ABTB3: variants seen among roughly 807,000 people sequenced by gnomAD.
The protein encoded by ABTB3 is ankyrin repeat- and BTB/POZ domain-containing protein 3.
the ABTB3 span, among the ~76,000 whole-genome samples, chr12:107,382,714 A>G: frequency 1.3e-5 from 2 of 150,314 alleles, no homozygotes; most frequent in African/African-American, 4.9e-5. Flanking sequence ...GAACAATGAG[A>G]ACACATGGAC....
At chr12:107,580,624 T>G in the ABTB3 span, 5 of 294,428 alleles carry the variant, frequency 1.7e-5, no homozygotes, top group Non-Finnish European at 2.5e-5. Flanking sequence ...TTTGGCAGCA[T>G]GTTGCCTGGG....
chr12:107,349,726 A>G, the ABTB3 span, among the ~76,000 whole-genome samples: 1 of 152,222 alleles, frequency 6.6e-6, no homozygotes, highest in Non-Finnish European at 1.5e-5. Context: ...AGTATGTCCC[A>G]AGTATTGCAT....
chr12:107,407,374 G>T, the ABTB3 span, among the ~76,000 whole-genome samples: 2 of 152,218 alleles, frequency 1.3e-5, no homozygotes, highest in Admixed American at 1.3e-4. Flanking sequence ...TGTGGGTCAG[G>T]TGAGGCAGCT....
At chr12:107,645,763 A>G in the ABTB3 span, among the ~76,000 whole-genome samples, 510 of 152,316 alleles carry the variant, frequency 3.3e-3, 4 homozygotes, top group Non-Finnish European at 5.8e-3. Flanking sequence ...CGAGACCTCC[A>G]TGGGAAACGG....
At chr12:107,319,078 G>A in the ABTB3 span, 2 of 1,611,380 alleles carry the variant, frequency 1.2e-6, no homozygotes, top group Non-Finnish European at 1.7e-6. Flanking sequence ...CGGCGTCCCC[G>A]TATGGCGGGA....
At chr12:107,463,801 T>C in the ABTB3 span, among the ~76,000 whole-genome samples, 2 of 151,040 alleles carry the variant, frequency 1.3e-5, no homozygotes, top group Non-Finnish European at 2.9e-5. Flanking sequence ...GATAAACAAC[T>C]TTGCCTAATT....
At chr12:107,440,063 G>T in the ABTB3 span, among the ~76,000 whole-genome samples, 2 of 152,100 alleles carry the variant, frequency 1.3e-5, no homozygotes, top group Admixed American at 6.5e-5. Flanking sequence ...GTCTTGTCTG[G>T]TTCATTACCT....
the ABTB3 span, among the ~76,000 whole-genome samples, chr12:107,494,600 G>A: frequency 7.3e-4 from 111 of 152,294 alleles, 1 homozygote; most frequent in African/African-American, 2.6e-3. Flanking sequence ...GGGAGTTTCT[G>A]TAAGAGCCTA....
the ABTB3 span, among the ~76,000 whole-genome samples, chr12:107,320,974 G>T: frequency 1.3e-5 from 2 of 152,140 alleles, no homozygotes; most frequent in Non-Finnish European, 2.9e-5. Context: ...GTTTGAACCC[G>T]CAGTTCTGTC....
chr12:107,328,407 C>T, the ABTB3 span, among the ~76,000 whole-genome samples: 13 of 152,080 alleles, frequency 8.5e-5, no homozygotes, highest in African/African-American at 2.7e-4. Context: ...TTATTATTAT[C>T]GATAGTATCA....
At chr12:107,576,355 C>A in the ABTB3 span, among the ~76,000 whole-genome samples, 1 of 152,174 alleles carries the variant, frequency 6.6e-6, no homozygotes, top group Admixed American at 6.5e-5. Flanking sequence ...TTGATTTTCT[C>A]CCCATTCTGG....
At chr12:107,332,123 T>C in the ABTB3 span, among the ~76,000 whole-genome samples, 2 of 152,210 alleles carry the variant, frequency 1.3e-5, no homozygotes, top group East Asian at 3.9e-4. Flanking sequence ...AGGCGTCACT[T>C]GGCTCAGGCC....
chr12:107,325,640 G>GAAT, the ABTB3 span, among the ~76,000 whole-genome samples: 4 of 152,154 alleles, frequency 2.6e-5, no homozygotes, highest in Non-Finnish European at 2.9e-5. Context: ...GATGAACTTT[G>GAAT]AATAGAAGGA....
the ABTB3 span, among the ~76,000 whole-genome samples, chr12:107,581,592 CCT>C: frequency 6.6e-6 from 1 of 152,198 alleles, no homozygotes; most frequent in African/African-American, 2.4e-5. Flanking sequence ...CTAGCTTCTC[CCT>C]CTCTTTCTCT....
the ABTB3 span, among the ~76,000 whole-genome samples, chr12:107,425,483 G>C: frequency 3.3e-5 from 5 of 152,084 alleles, no homozygotes; most frequent in Admixed American, 1.3e-4. Flanking sequence ...ACCTTAAAAG[G>C]GTTAATTTTT....
chr12:107,500,349 C>T, the ABTB3 span, among the ~76,000 whole-genome samples: 1 of 152,172 alleles, frequency 6.6e-6, no homozygotes, highest in Non-Finnish European at 1.5e-5. Flanking sequence ...CCCATGCCCA[C>T]CCCCAGGTTG....
At chr12:107,453,633 C>T in the ABTB3 span, among the ~76,000 whole-genome samples, 8 of 152,108 alleles carry the variant, frequency 5.3e-5, no homozygotes, top group South Asian at 2.1e-4. Context: ...TATATCAGCC[C>T]GAATGGACTA....
chr12:107,580,132 G>A, the ABTB3 span, among the ~76,000 whole-genome samples: 1 of 152,206 alleles, frequency 6.6e-6, no homozygotes, highest in East Asian at 1.9e-4. Flanking sequence ...CTGGGAATGA[G>A]ACCCAGCAGT....
the ABTB3 span, among the ~76,000 whole-genome samples, chr12:107,361,509 T>C: frequency 2.0e-5 from 3 of 152,224 alleles, no homozygotes; most frequent in African/African-American, 7.2e-5. Context: ...GCAACGTAAC[T>C]TTTCGTATAT....
Sources: gnomAD v4.1 joint callset for allele counts (sites outside exome capture counted in the v4.1 genomes callset) on GRCh38, gnomAD v4.1.1 for gene constraint, MANE v1.5 for transcripts, NCBI Gene and HGNC (gene_info 2026-07-23, HGNC 2026-07-21) for gene names.